Variants in CASZ1 observed in about 807,000 individuals in gnomAD.
The protein encoded by CASZ1 is zinc finger protein castor homolog 1.
A neutral mutation model predicts 135.2 loss-of-function variants in CASZ1; 28 were observed. That is an observed-to-expected ratio of 0.21 (90% CI 0.15 to 0.28). CASZ1 has a LOEUF of 0.28. CASZ1 is among the 10% of genes least tolerant of loss of function. The probability of loss-of-function intolerance (pLI) is 1.00; values close to 1 mark genes in which losing one functional copy is unlikely to be tolerated. For synonymous variants in CASZ1, 1,068 were observed against 1,073.4 expected (o/e 0.99, Z 0.10); for missense variants, 2,161 against 2,453.3 (o/e 0.88, Z 2.52).
chr1:10,777,196 G>A lies in CASZ1; in HGVS notation c.-233-16339C>T, dbSNP rs1024923940. Among the ~76,000 whole-genome samples the A allele has an allele frequency of 3.9e-5, 6 of 152,288 alleles. 1 individual carries two copies. In the South Asian group the frequency reaches 1.2e-3, roughly 32 times the overall value. ...TCTTCACAGGAAGGGTCATAATGAT[G>A]GAACGATCACACAGGTGTCTCTGAG... On this transcript the variant is annotated intron_variant, in intron 1 of 20. Transcript: ENST00000377022. This position sits in a 1 kb window ranked among gnomAD's most constrained non-coding sequence, Gnocchi z 4.4.
rs1460112605 is a variant in CASZ1, at chr1:10,676,935, TCGCTGAGGCCCCTGTGG to T, written c.17-11381_17-11365del. Among the ~76,000 whole-genome samples, 16 of 152,240 alleles carry T rather than the reference TCGCTGAGGCCCCTGTGG, an allele frequency of 1.1e-4. No homozygotes were observed. Among genetic ancestry groups the T allele is most frequent in the Non-Finnish European group, 2.4e-4 (16 of 68,042 alleles). On this transcript the variant is annotated intron_variant, in intron 4 of 20. Coordinates refer to ENST00000377022, the MANE Select transcript of CASZ1 (RefSeq NM_001079843.3). The surrounding 1 kb of genome is among the most constrained non-coding windows in gnomAD (Gnocchi z 4.5). The stretch of plus-strand genomic sequence containing the variant: ...TACTGCCTGGCTCTGCCACTGCCTC[TCGCTGAGGCCCCTGTGG>T]GCACAGCCAGTCAGGGGGTGCAGGG...
chr1:10,639,654 C>A lies in CASZ1; in HGVS notation c.4568G>T (p.Arg1523Leu). 1 of 1,605,264 alleles carries A rather than the reference C, an allele frequency of 6.2e-7. No homozygotes were observed. The part of the protein sequence containing the change: ...THFHCLRCRF[R>L]CTDSTKVTAH... ...CGTGACCTTGGTGCTGTCGGTGCAG[C>A]GGAAGCGGCAGCGCAGGCAGTGGAA... Residue 1523 changes from arginine to leucine, a missense_variant, in exon 21 of 21, where the codon CGC (arginine) becomes CTC (leucine). Coordinates refer to ENST00000377022, the MANE Select transcript of CASZ1 (RefSeq NM_001079843.3). The surrounding 1 kb of genome is among the most constrained non-coding windows in gnomAD (Gnocchi z 4.0).
chr1:10,650,894 G>T, intron 12 of CASZ1, 47 bp downstream of exon 12: 3 of 1,606,744 alleles, frequency 1.9e-6, no homozygotes, highest in Non-Finnish European at 1.7e-6. Context: ...GCTCCAGCTC[G>T]AAGGTGTGGT....
intron 4 of CASZ1, among the ~76,000 whole-genome samples, chr1:10,674,414 C>T (rs1329802523): frequency 6.6e-6 from 1 of 152,276 alleles, no homozygotes; most frequent in East Asian, 1.9e-4. Flanking sequence ...CGAGCCTTCC[C>T]CGGCACCGCT....
rs1640325942 is a variant in CASZ1 at position 10,759,643 on chromosome 1, TC to T, written c.-77+1057del. On this transcript the variant is annotated intron_variant, in intron 2 of 20. Transcript: ENST00000377022. This position sits in a 1 kb window ranked among gnomAD's most constrained non-coding sequence, Gnocchi z 4.2. The stretch of plus-strand genomic sequence containing the variant: ...ACCAAACCCCAGTGCGCACCAAGGC[TC>T]CCGTCTCTGCAAGCGCTTCCTCCCT... Among the ~76,000 whole-genome samples, 1 of 152,062 alleles carries T rather than the reference TC, an allele frequency of 6.6e-6. No homozygotes were observed. The highest frequency in any genetic ancestry group is 2.4e-5 in the African/African-American group (1 of 41,384).
intron 1 of CASZ1, among the ~76,000 whole-genome samples, chr1:10,785,913 A>G (rs1207959891): frequency 1.3e-5 from 2 of 152,224 alleles, no homozygotes; most frequent in African/African-American, 4.8e-5. Flanking sequence ...CTCATGGTCC[A>G]CGTGACGGGA....
At chr1:10,743,992 C>T (rs1287899921) in intron 2 of CASZ1, among the ~76,000 whole-genome samples, 4 of 152,050 alleles carry the variant, frequency 2.6e-5, no homozygotes, top group African/African-American at 9.7e-5. Flanking sequence ...TAGCATATTG[C>T]TGTTAAAATG....
rs1166914003 is a variant in CASZ1 at position 10,709,389 on chromosome 1, G to C, written c.-76-3845C>G. Among the ~76,000 whole-genome samples, 3 of 151,968 alleles carry C rather than the reference G, an allele frequency of 2.0e-5. No homozygotes were observed. Among genetic ancestry groups the C allele is most frequent in the East Asian group, 1.9e-4 (1 of 5,188 alleles). On this transcript the variant is annotated intron_variant, in intron 2 of 20. Coordinates refer to ENST00000377022, the MANE Select transcript of CASZ1 (RefSeq NM_001079843.3). The surrounding 1 kb of genome is among the most constrained non-coding windows in gnomAD (Gnocchi z 5.1). ...CCATGTCAGCCCGGCAGTGTGAGGA[G>C]GGGGGCGGCATAGACAACAGGGGCA...
chr1:10,691,344 G>T (rs1383092515), intron 4 of CASZ1, among the ~76,000 whole-genome samples: 1 of 152,130 alleles, frequency 6.6e-6, no homozygotes, highest in Non-Finnish European at 1.5e-5. Flanking sequence ...GGGGAAAGGG[G>T]GTCCACATGG....
At chr1:10,748,102 G>T (rs1640079613) in intron 2 of CASZ1, among the ~76,000 whole-genome samples, 1 of 152,164 alleles carries the variant, frequency 6.6e-6, no homozygotes. Context: ...ACAGGTGTGA[G>T]CCACTGCGCC....
intron 2 of CASZ1, among the ~76,000 whole-genome samples, chr1:10,749,160 C>T (rs893474343): frequency 6.6e-6 from 1 of 152,204 alleles, no homozygotes; most frequent in Non-Finnish European, 1.5e-5. Context: ...ATAGACACAG[C>T]CAGATGGTCT....
intron 2 of CASZ1, among the ~76,000 whole-genome samples, chr1:10,713,001 C>T (rs779581535): frequency 7.2e-5 from 11 of 152,248 alleles, no homozygotes; most frequent in Non-Finnish European, 1.2e-4. Flanking sequence ...GGGAGCCAGG[C>T]TCGTGGGGCA....
rs575161764 is a variant in CASZ1 at position 10,711,836 on chromosome 1, C to T, written c.-76-6292G>A. 6.6e-6 allele frequency among the ~76,000 whole-genome samples: 1 copy of T among 152,168 alleles called. No individual in the cohort carries two copies. The highest frequency in any genetic ancestry group is 2.4e-5 in the African/African-American group (1 of 41,500). Reference sequence around the variant, plus strand: ...AAGGAGCCAGACAGACACAATAGGCCACAAGTTGTATGATTCCATTAATAT... The same window carrying T: ...AAGGAGCCAGACAGACACAATAGGCTACAAGTTGTATGATTCCATTAATAT... On this transcript the variant is annotated intron_variant, in intron 2 of 20. Coordinates refer to ENST00000377022, the MANE Select transcript of CASZ1 (RefSeq NM_001079843.3). This position sits in a 1 kb window ranked among gnomAD's most constrained non-coding sequence, Gnocchi z 4.4.
At chr1:10,731,760 T>A (rs1375422118) in intron 2 of CASZ1, among the ~76,000 whole-genome samples, 2 of 152,210 alleles carry the variant, frequency 1.3e-5, no homozygotes, top group Non-Finnish European at 2.9e-5. Context: ...CTTTGCCAAC[T>A]ACACATCTGT....
chr1:10,743,912 G>A (rs1639986632), intron 2 of CASZ1, among the ~76,000 whole-genome samples: 1 of 151,922 alleles, frequency 6.6e-6, no homozygotes, highest in African/African-American at 2.4e-5. Flanking sequence ...GGGGAGGCAG[G>A]CAGAAGAGGG....
intron 2 of CASZ1, among the ~76,000 whole-genome samples, chr1:10,712,568 A>C (rs1314823670): frequency 6.6e-6 from 1 of 152,044 alleles, no homozygotes; most frequent in East Asian, 1.9e-4. Flanking sequence ...AGACACGGTG[A>C]CTTCAAATGG....
Position 10,759,879 on chromosome 1 carries a change from C to A in CASZ1, c.-77+822G>T, listed in dbSNP as rs765772403. Among the ~76,000 whole-genome samples, 1 of 152,202 alleles carries A rather than the reference C, an allele frequency of 6.6e-6. No individual in the cohort carries two copies. The highest frequency in any genetic ancestry group is 1.5e-5 in the Non-Finnish European group (1 of 68,036). On this transcript the variant is annotated intron_variant, in intron 2 of 20. Transcript: ENST00000377022. This position sits in a 1 kb window ranked among gnomAD's most constrained non-coding sequence, Gnocchi z 4.2. Reference sequence around the variant, plus strand: ...CTCTGCTTCCACCCCTAGACCTTGCCCGTGAACTTCGCAAACACCCAATCC... The same window carrying A: ...CTCTGCTTCCACCCCTAGACCTTGCACGTGAACTTCGCAAACACCCAATCC...
chr1:10,658,440 C>A, intron 7 of CASZ1, 68 bp downstream of exon 7: 2 of 1,354,584 alleles, frequency 1.5e-6, no homozygotes, highest in South Asian at 2.4e-5. Context: ...AACGAATGGC[C>A]TCAGAGTGCC....
rs1422344390 is a variant in CASZ1 at position 10,776,681 on chromosome 1, G to C, written c.-233-15824C>G. ...GGAAACTGGCATCTCTGGTTTGACA[G>C]GTTGTGGGAGAGGGTTGGCTGCATG... On this transcript the variant is annotated intron_variant, in intron 1 of 20. Coordinates refer to ENST00000377022, the MANE Select transcript of CASZ1 (RefSeq NM_001079843.3). This position sits in a 1 kb window ranked among gnomAD's most constrained non-coding sequence, Gnocchi z 4.1. Among the ~76,000 whole-genome samples the C allele has an allele frequency of 6.6e-6, 1 of 152,208 alleles. No individual in the cohort carries two copies. Among genetic ancestry groups the C allele is most frequent in the South Asian group, 2.1e-4 (1 of 4,836 alleles).
Sources: allele counts gnomAD v4.1 joint callset (sites outside exome capture counted in the v4.1 genomes callset), GRCh38; gene constraint gnomAD v4.1.1; non-coding constraint Gnocchi (gnomAD v3.1); transcripts MANE v1.5; gene names NCBI Gene and HGNC (gene_info 2026-07-23, HGNC 2026-07-21).